METTL15: variants seen among roughly 807,000 people sequenced by gnomAD.
METTL15 encodes the protein methyltransferase 15, mitochondrial 12S rRNA N4-cytidine.
A neutral mutation model predicts 38.3 loss-of-function variants in METTL15; 34 were observed. The observed-to-expected ratio is 0.89, with a 90% CI of 0.68 to 1.18. METTL15 has a LOEUF of 1.18. Among genes scored for constraint, METTL15 ranks in the 50% most tolerant of loss-of-function variants. METTL15 has a pLI of 0.00. For missense variants in METTL15, 438 were observed against 498.4 expected (o/e 0.88, Z 1.15); for synonymous variants, 162 against 170.9 (o/e 0.95, Z 0.41).
intron 4 of METTL15, among the ~76,000 whole-genome samples, chr11:28,267,326 G>T (rs369254358): frequency 1.4e-4 from 21 of 152,192 alleles, no homozygotes; most frequent in African/African-American, 3.6e-4. Flanking sequence ...TAAAGTCAGT[G>T]CATTAGCTGT....
chr11:28,362,083 T>C (rs1294567678), intron 5 of METTL15: 3 of 152,186 alleles, frequency 2.0e-5, no homozygotes, highest in Admixed American at 2.0e-4. Context: ...CCCTCAGTAA[T>C]GGTAGGGCAC....
chr11:28,296,435 T>C (rs1565233077), intron 5 of METTL15, among the ~76,000 whole-genome samples: 5 of 152,134 alleles, frequency 3.3e-5, no homozygotes, highest in Admixed American at 1.3e-4. Flanking sequence ...AATCTAACCA[T>C]TTTTCATTGT....
rs758204034 is a variant in METTL15, at chr11:28,113,368, A to G, written c.34A>G (p.Lys12Glu). ...GTATCCATATTTTTGTAGAATGTAT[A>G]AAGAATGCCTTTCATGTTGGTTGGA... ...LRYPYFCRMY[K>E]ECLSCWLESG... The change falls in exon 3 of 7, where the codon AAA becomes GAA. Residue 12 changes from lysine (K) to glutamate (E), a missense_variant. Physicochemically the swap from Lys to Glu is moderately conservative, Grantham distance 56. Transcript: ENST00000407364. The G allele has an allele frequency of 6.3e-6, 10 of 1,590,728 alleles. No homozygotes were observed. The highest frequency in any genetic ancestry group is 8.6e-6 in the Non-Finnish European group (10 of 1,167,666).
At chr11:28,393,399 G>A (rs2133395970) in intron 5 of METTL15, among the ~76,000 whole-genome samples, 1 of 152,230 alleles carries the variant, frequency 6.6e-6, no homozygotes, top group East Asian at 1.9e-4. Flanking sequence ...TTAAAGAAAT[G>A]ATAATCATTT....
chr11:28,379,291 G>C (rs932520932), intron 5 of METTL15, among the ~76,000 whole-genome samples: 10 of 151,848 alleles, frequency 6.6e-5, no homozygotes, highest in Non-Finnish European at 1.5e-4. Flanking sequence ...AGTTCCTTAA[G>C]GTGAATGATC....
intron 6 of METTL15, among the ~76,000 whole-genome samples, chr11:28,449,329 G>A (rs61889174): frequency 6.6e-6 from 1 of 152,102 alleles, no homozygotes; most frequent in African/African-American, 2.4e-5. Context: ...TAAATAACTA[G>A]AACACAGACA....
At chr11:28,459,453 C>G (rs1032752769) in intron 6 of METTL15, among the ~76,000 whole-genome samples, 17 of 152,106 alleles carry the variant, frequency 1.1e-4, no homozygotes, top group African/African-American at 4.1e-4. Flanking sequence ...AAGCCTATGC[C>G]TTTTTCATAG....
intron 4 of METTL15, among the ~76,000 whole-genome samples, chr11:28,279,661 G>A (rs1024274982): frequency 1.3e-5 from 2 of 152,122 alleles, no homozygotes; most frequent in African/African-American, 4.8e-5. Context: ...AGCACTTTGG[G>A]AGGCCGAGGC....
downstream of METTL15, chr11:28,333,580 G>A (rs1849871105): frequency 6.6e-6 from 1 of 151,992 alleles, no homozygotes. Context: ...GTTCTTAACA[G>A]TTTTTAGTTC....
rs1264282412 is a variant in METTL15 at position 28,171,816 on chromosome 11, G to A, written c.271-39246G>A. On this transcript the variant is annotated intron_variant, in intron 3 of 6. Coordinates refer to ENST00000407364, the MANE Select transcript of METTL15 (RefSeq NM_001113528.2). ...TTTTTTTTTTCTTTTTTTAGGGACAGGGTATTCCTCTATCACCCAGACTGG... is the reference window on the plus strand; with the variant it reads ...TTTTTTTTTTCTTTTTTTAGGGACAAGGTATTCCTCTATCACCCAGACTGG... Among the ~76,000 whole-genome samples the A allele has an allele frequency of 4.6e-5, 7 of 151,238 alleles. No homozygotes were observed. In the East Asian group the frequency reaches 1.2e-3, roughly 25 times the overall value.
At chr11:28,184,978 A>G (rs570579754) in intron 3 of METTL15, among the ~76,000 whole-genome samples, 1 of 151,638 alleles carries the variant, frequency 6.6e-6, no homozygotes, top group South Asian at 2.1e-4. Flanking sequence ...ATTTTTAATT[A>G]TGAGTCCCAC....
At chr11:28,124,749 T>C (rs1590761670) in intron 3 of METTL15, among the ~76,000 whole-genome samples, 1 of 152,262 alleles carries the variant, frequency 6.6e-6, no homozygotes, top group Non-Finnish European at 1.5e-5. Flanking sequence ...TAGTCTCTTG[T>C]CTATGGCTTT....
chr11:28,279,950 A>T (rs1855992107), intron 4 of METTL15, among the ~76,000 whole-genome samples: 2 of 151,810 alleles, frequency 1.3e-5, no homozygotes, highest in Non-Finnish European at 2.9e-5. Flanking sequence ...AACATAAATT[A>T]GTAATTTTAC....
chr11:28,238,178 C>G (rs1348963236), intron 4 of METTL15, among the ~76,000 whole-genome samples: 1 of 152,196 alleles, frequency 6.6e-6, no homozygotes, highest in African/African-American at 2.4e-5. Flanking sequence ...TTACTGCTGT[C>G]TTTTTGTTTG....
chr11:28,122,363 G>GTATATA (rs1852285769), intron 3 of METTL15, among the ~76,000 whole-genome samples: 1 of 67,798 alleles, frequency 1.5e-5, no homozygotes, highest in South Asian at 2.9e-4. Flanking sequence ...GTGTGTGTGT[G>GTATATA]TGTGTGTGTA....
chr11:28,393,435 C>A (rs1381836079), intron 5 of METTL15, among the ~76,000 whole-genome samples: 6 of 151,978 alleles, frequency 3.9e-5, no homozygotes, highest in African/African-American at 1.4e-4. Context: ...GTCTATGGGT[C>A]AGGAATTTTG....
chr11:28,124,885 AAT>A (rs1381911229), intron 3 of METTL15, among the ~76,000 whole-genome samples: 1 of 152,146 alleles, frequency 6.6e-6, no homozygotes, highest in Non-Finnish European at 1.5e-5. Context: ...ACCGGTATAG[AAT>A]ATCATCGCCA....
intron 4 of METTL15, among the ~76,000 whole-genome samples, chr11:28,360,489 G>A (rs1397063165): frequency 6.6e-6 from 1 of 152,134 alleles, no homozygotes; most frequent in Non-Finnish European, 1.5e-5. Context: ...CTTCCCTTTG[G>A]AAGACAAGTA....
intron 6 of METTL15, among the ~76,000 whole-genome samples, chr11:28,457,358 A>T (rs926290263): frequency 2.1e-4 from 32 of 150,828 alleles, no homozygotes; most frequent in African/African-American, 8.0e-4. Flanking sequence ...TTGTTGTTTT[A>T]AAAAAATCCT....
Sources: gnomAD v4.1 joint callset for allele counts (sites outside exome capture counted in the v4.1 genomes callset) on GRCh38, gnomAD v4.1.1 for gene constraint, MANE v1.5 for transcripts, NCBI Gene and HGNC (gene_info 2026-07-23, HGNC 2026-07-21) for gene names.